The following FNIP2 variants were observed in gnomAD, a reference collection of about 807,000 sequenced individuals.
The protein encoded by FNIP2 is folliculin-interacting protein 2.
Under a neutral mutation model 108.7 loss-of-function variants are expected in FNIP2, and 32 were observed. The ratio of observed to expected loss-of-function variants is 0.29; its 90% CI spans 0.22 to 0.40. The LOEUF is 0.40. Among genes scored for constraint, FNIP2 ranks in the 10% least tolerant of loss-of-function variants. The pLI is 1.00. For missense variants in FNIP2, 1,202 were observed against 1,381.6 expected (o/e 0.87, Z 2.06); for synonymous variants, 480 against 496.7 (o/e 0.97, Z 0.45).
At position 158,817,662 on chromosome 4, in the gene FNIP2, T is replaced by G. The variant is rs143312471; in HGVS notation, c.108-8254T>G. Among the ~76,000 whole-genome samples, 39 of 152,362 alleles carry G rather than the reference T, an allele frequency of 2.6e-4. No homozygotes were observed. The East Asian group carries it at 7.3e-3, about 29-fold the overall frequency. Reference sequence around the variant, plus strand: ...CCCGGGTTTAAGCAATTCTTGTGTCTCAGCCTCCCCAGTTAGCTGGGATCA... The same window carrying G: ...CCCGGGTTTAAGCAATTCTTGTGTCGCAGCCTCCCCAGTTAGCTGGGATCA... On this transcript the variant is annotated intron_variant, in intron 1 of 16. Transcript: ENST00000264433.
At chr4:158,878,058 A>G (rs541793277) in intron 14 of FNIP2, among the ~76,000 whole-genome samples, 4 of 151,958 alleles carry the variant, frequency 2.6e-5, no homozygotes, top group Admixed American at 1.3e-4. Flanking sequence ...CTATATAGTG[A>G]TGGATAAAAT....
chr4:158,793,845 T>C (rs1392460445), intron 1 of FNIP2, among the ~76,000 whole-genome samples: 2 of 152,154 alleles, frequency 1.3e-5, no homozygotes, highest in Non-Finnish European at 2.9e-5. Flanking sequence ...TATTGGTTGC[T>C]GTGATGGGGT....
At chr4:158,804,037 CAA>C (rs1021614936) in intron 1 of FNIP2, among the ~76,000 whole-genome samples, 16 of 152,148 alleles carry the variant, frequency 1.1e-4, no homozygotes, top group African/African-American at 3.4e-4. Flanking sequence ...CTCCTGAGTT[CAA>C]GAGATTCTCC....
At chr4:158,824,553 G>T (rs1323625985) in intron 1 of FNIP2, among the ~76,000 whole-genome samples, 1 of 152,006 alleles carries the variant, frequency 6.6e-6, no homozygotes, top group Non-Finnish European at 1.5e-5. Context: ...TGCTGCTGGA[G>T]CTCTAGCCTT....
chr4:158,876,977 C>T (rs1781318878), intron 14 of FNIP2, among the ~76,000 whole-genome samples: 1 of 152,292 alleles, frequency 6.6e-6, no homozygotes, highest in South Asian at 2.1e-4. Flanking sequence ...AGACACATGT[C>T]TAATTTTGAT....
At chr4:158,774,933 G>C (rs1240345451) in intron 1 of FNIP2, among the ~76,000 whole-genome samples, 1 of 152,160 alleles carries the variant, frequency 6.6e-6, no homozygotes, top group Non-Finnish European at 1.5e-5. Flanking sequence ...TGATTTAGTA[G>C]GTGGTACTAA....
intron 16 of FNIP2, among the ~76,000 whole-genome samples, chr4:158,903,270 C>CCCCA (rs1729515842): frequency 6.6e-6 from 1 of 152,100 alleles, no homozygotes; most frequent in Non-Finnish European, 1.5e-5. Flanking sequence ...TAAGGCAACA[C>CCCCA]CCCACCCTCC....
intron 14 of FNIP2, among the ~76,000 whole-genome samples, chr4:158,888,179 G>A (rs1782116788): frequency 6.6e-6 from 1 of 152,184 alleles, no homozygotes; most frequent in African/African-American, 2.4e-5. Flanking sequence ...AAATAAGTAA[G>A]TAGCTACTAA....
intron 7 of FNIP2, among the ~76,000 whole-genome samples, chr4:158,840,274 G>A (rs1283531717): frequency 6.6e-6 from 1 of 152,160 alleles, no homozygotes; most frequent in African/African-American, 2.4e-5. Context: ...TACAGAGATT[G>A]GGATACATTT....
In FNIP2 at chr4:158,868,934, C is replaced by T; in HGVS notation, c.2298C>T (p.Ser766=). ...DVAQDPQVSR[S]PFKPGFQENV... ...CTCAGGACCCGCAGGTTTCTAGGAG[C>T]CCTTTTAAACCTGGCTTTCAGGAGA... The change falls in exon 13 of 17, where the codon AGC becomes AGT. Residue 766 remains serine, a synonymous_variant. Coordinates refer to ENST00000264433, the MANE Select transcript of FNIP2 (RefSeq NM_020840.3). The surrounding 1 kb of genome is among the most constrained non-coding windows in gnomAD (Gnocchi z 4.6). The T allele has an allele frequency of 2.5e-6, 4 of 1,613,926 alleles. No homozygotes were observed. The South Asian group carries it at 3.3e-5, about 13-fold the overall frequency.
chr4:158,782,846 G>T (rs947136188), intron 1 of FNIP2, among the ~76,000 whole-genome samples: 2 of 152,202 alleles, frequency 1.3e-5, no homozygotes, highest in Admixed American at 6.5e-5. Context: ...TATGTAGGGG[G>T]TGGGTGCTAG....
At position 158,769,333 on chromosome 4, in the gene FNIP2, G is replaced by A; in HGVS notation, c.107+14G>A. 2.7e-6 allele frequency: 4 copies of A among 1,462,450 alleles called. No homozygotes were observed. The highest frequency in any genetic ancestry group is 1.3e-5 in the South Asian group (1 of 77,240). 90.6% of individuals were successfully genotyped at this position (1,462,450 alleles called of 1,614,324 possible). A position where few individuals can be genotyped will look rare whatever the true frequency, so the allele number is the denominator to read the frequency against. On this transcript the variant is annotated intron_variant, in intron 1 of 16. Transcript: ENST00000264433. Reference sequence around the variant, plus strand: ...ACCCGCCTTTAGGTGAGGGGGCGCCGGGGGGCAATTCTGGCGCGGGACCCG... The same window carrying A: ...ACCCGCCTTTAGGTGAGGGGGCGCCAGGGGGCAATTCTGGCGCGGGACCCG...
chr4:158,789,321 A>G (rs10606269), intron 1 of FNIP2, among the ~76,000 whole-genome samples: 82,136 of 150,770 alleles, frequency 0.54, 23,137 homozygotes, highest in East Asian at 0.89. Flanking sequence ...GTGTGTGTGT[A>G]TGTGTGTGTG....
In FNIP2 at chr4:158,869,101, C is replaced by T. The variant is rs200457167; in HGVS notation, c.2465C>T (p.Ala822Val). 16 of 1,614,016 alleles carry T rather than the reference C, an allele frequency of 9.9e-6. No homozygotes were observed. The Admixed American group carries it at 1.8e-4, about 18-fold the overall frequency. The change falls in exon 13 of 17, where the codon GCC (alanine) becomes GTC (valine). Residue 822 changes from alanine (A) to valine (V), a missense_variant. By Grantham distance (64) the Ala-to-Val change is moderately conservative (BLOSUM62 0). Transcript: ENST00000264433. ...AGCCACGCTGCTGACTTGGGCACAGCCTCCCACGGTGCAGGAGGAACGGGA... is the reference window on the plus strand; with the variant it reads ...AGCCACGCTGCTGACTTGGGCACAGTCTCCCACGGTGCAGGAGGAACGGGA... Reference protein sequence around the residue: ...QLSHAADLGTASHGAGGTGGR... With the variant: ...QLSHAADLGTVSHGAGGTGGR...
rs1376838369 is a variant in FNIP2 at position 158,869,328 on chromosome 4, G to C, written c.2692G>C (p.Gly898Arg). The change falls in exon 13 of 17, where the codon GGA (glycine) becomes CGA (arginine). Residue 898 changes from glycine (G) to arginine (R), a missense_variant. Transcript: ENST00000264433. Reference sequence around the variant, plus strand: ...AAATGAAAGCTCAGATAGCGCCCTGGGAGACAGTGACGACGAAGCCTGCGC... The same window carrying C: ...AAATGAAAGCTCAGATAGCGCCCTGCGAGACAGTGACGACGAAGCCTGCGC... ...PRNESSDSAL[G>R]DSDDEACASA... The C allele has an allele frequency of 6.2e-7, 1 of 1,613,646 alleles. No individual in the cohort carries two copies. The highest frequency in any genetic ancestry group is 1.3e-5 in the African/African-American group (1 of 75,010).
intron 14 of FNIP2, among the ~76,000 whole-genome samples, chr4:158,884,702 G>T (rs752545737): frequency 1.3e-5 from 2 of 152,162 alleles, no homozygotes; most frequent in Non-Finnish European, 2.9e-5. Context: ...AAGGAAAGAG[G>T]TTTAATTGAC....
chr4:158,769,464 T>A, intron 1 of FNIP2, 145 bp downstream of exon 1: 1 of 446,432 alleles, frequency 2.2e-6, no homozygotes, highest in East Asian at 4.4e-5. Flanking sequence ...CTTGTCAGCG[T>A]GGACGCGCCT....
At chr4:158,811,914 A>G (rs1028561306) in intron 1 of FNIP2, among the ~76,000 whole-genome samples, 2 of 152,224 alleles carry the variant, frequency 1.3e-5, no homozygotes, top group African/African-American at 4.8e-5. Flanking sequence ...GAGGAAGTAC[A>G]TTTTCAACAG....
intron 14 of FNIP2, among the ~76,000 whole-genome samples, chr4:158,878,616 G>A (rs1014010195): frequency 6.6e-6 from 1 of 152,036 alleles, no homozygotes; most frequent in South Asian, 2.1e-4. Flanking sequence ...CTTATGAGAC[G>A]CATATAGGAA....
Sources: allele counts gnomAD v4.1 joint callset (sites outside exome capture counted in the v4.1 genomes callset), GRCh38; gene constraint gnomAD v4.1.1; non-coding constraint Gnocchi (gnomAD v3.1); transcripts MANE v1.5; gene names NCBI Gene and HGNC (gene_info 2026-07-23, HGNC 2026-07-21).